AKIRIN2: variants seen among roughly 807,000 people sequenced by gnomAD.
The protein encoded by AKIRIN2 is akirin-2.
A neutral mutation model predicts 29.3 loss-of-function variants in AKIRIN2; 6 were observed. The observed-to-expected ratio is 0.20, with a 90% CI of 0.11 to 0.40. The LOEUF (loss-of-function observed/expected upper bound fraction) is 0.40, where lower values mean the gene tolerates loss of function less well. AKIRIN2 is among the 10% of genes least tolerant of loss of function. The pLI, the probability that AKIRIN2 is intolerant of heterozygous loss-of-function variation, is 1.00. For missense variants in AKIRIN2, 210 were observed against 276.1 expected (o/e 0.76, Z 1.70); for synonymous variants, 128 against 117.5 (o/e 1.09, Z -0.58).
Position 87,702,135 on chromosome 6 carries a change from C to A in AKIRIN2, c.-451G>T. 1 of 398,978 alleles carries A rather than the reference C, an allele frequency of 2.5e-6. No individual in the cohort carries two copies. Among genetic ancestry groups the A allele is most frequent in the African/African-American group, 2.1e-5 (1 of 48,780 alleles). The allele number at this position is 398,978 out of a possible 1,614,324, so 24.7% of individuals were successfully genotyped here. ...TAATACGCCCGAGTACGGTCAGTAG[C>A]TTGCGAGCGGCGATCGATGCAGAGA... On this transcript the variant is annotated 5_prime_UTR_variant, in exon 1 of 5. Transcript: ENST00000257787.
At chr6:87,696,614 T>C (rs563047001) in intron 1 of AKIRIN2, among the ~76,000 whole-genome samples, 4 of 143,706 alleles carry the variant, frequency 2.8e-5, no homozygotes, top group Non-Finnish European at 6.0e-5. Flanking sequence ...GGCAGGAGAA[T>C]GGCGTGAACC....
intron 3 of AKIRIN2, among the ~76,000 whole-genome samples, chr6:87,677,051 T>C (rs1439806129): frequency 6.6e-6 from 1 of 150,866 alleles, no homozygotes; most frequent in Non-Finnish European, 1.5e-5. Context: ...CACTCCAGCC[T>C]TGGGTGACAG....
chr6:87,676,596 A>ACACACACACACAC (rs1770998077), intron 3 of AKIRIN2, among the ~76,000 whole-genome samples: 1 of 142,046 alleles, frequency 7.0e-6, no homozygotes, highest in African/African-American at 2.7e-5. Context: ...CTCTACTAAA[A>ACACACACACACAC]ACACACACAC....
chr6:87,689,517 T>A (rs1771243451), intron 1 of AKIRIN2, among the ~76,000 whole-genome samples: 1 of 152,152 alleles, frequency 6.6e-6, no homozygotes, highest in Admixed American at 6.5e-5. Context: ...TTTGCAAAAC[T>A]GATGACTAAC....
Position 87,701,534 on chromosome 6 carries a change from A to G in AKIRIN2, c.151T>C (p.Phe51Leu), listed in dbSNP as rs1044593595. 4 of 1,433,178 alleles carry G rather than the reference A, an allele frequency of 2.8e-6. No individual in the cohort carries two copies. The highest frequency in any genetic ancestry group is 5.8e-5 in the East Asian group (2 of 34,712). 88.8% of individuals were successfully genotyped at this position (1,433,178 alleles called of 1,614,324 possible). A position where few individuals can be genotyped will look rare whatever the true frequency, so the allele number is the denominator to read the frequency against. Reference sequence around the variant, plus strand: ...TGCGGCGAGGCGGCCGCAGCGGAGAAGGAGGCGGCGGTGGCCGCGGCCGCC... The same window carrying G: ...TGCGGCGAGGCGGCCGCAGCGGAGAGGGAGGCGGCGGTGGCCGCGGCCGCC... ...LSAAAATAASFSAAAASPQKY... is the reference protein window; with the variant it reads ...LSAAAATAASLSAAAASPQKY... Residue 51 changes from phenylalanine to leucine, a missense_variant, in exon 1 of 5, where the codon TTC becomes CTC. By Grantham distance (22) the Phe-to-Leu change is conservative. Coordinates refer to ENST00000257787, the MANE Select transcript of AKIRIN2 (RefSeq NM_018064.4).
intron 1 of AKIRIN2, among the ~76,000 whole-genome samples, chr6:87,695,870 T>C (rs753972588): frequency 1.4e-5 from 2 of 147,920 alleles, no homozygotes; most frequent in Non-Finnish European, 3.0e-5. Context: ...TTTCTAGATC[T>C]ATCAAAACAC....
In AKIRIN2 at chr6:87,677,888, T is replaced by C. The variant is rs750255842; in HGVS notation, c.459A>G (p.Glu153=). The C allele has an allele frequency of 1.9e-6, 3 of 1,614,018 alleles. No homozygotes were observed. The highest frequency in any genetic ancestry group is 2.5e-6 in the Non-Finnish European group (3 of 1,180,006). Residue 153 remains glutamate (E), a synonymous_variant, in exon 3 of 5, where the codon GAA becomes GAG. Transcript: ENST00000257787. ...FTLRQVGMIC[E]RLLKEREEKV... The stretch of plus-strand genomic sequence containing the variant: ...TCTCTTCACGTTCTTTCAACAAACG[T>C]TCACAGATCATCCCAACCTGCCGTA...
chr6:87,693,813 GATA>G (rs1771317928), intron 1 of AKIRIN2, among the ~76,000 whole-genome samples: 1 of 151,848 alleles, frequency 6.6e-6, no homozygotes, highest in Non-Finnish European at 1.5e-5. Context: ...GCCAGGCTCT[GATA>G]ATGCACTATT....
At chr6:87,680,476 T>A (rs972581561) in intron 2 of AKIRIN2, among the ~76,000 whole-genome samples, 10 of 151,494 alleles carry the variant, frequency 6.6e-5, no homozygotes, top group African/African-American at 2.2e-4. Flanking sequence ...TTTCACTGTG[T>A]TAGCCAGGAT....
intron 2 of AKIRIN2, among the ~76,000 whole-genome samples, chr6:87,680,165 C>G (rs372875225): frequency 1.4e-4 from 22 of 152,280 alleles, no homozygotes; most frequent in East Asian, 1.3e-3. Flanking sequence ...AGTGCCCAAC[C>G]CTCACCTCTA....
chr6:87,684,387 A>G (rs13209066), intron 1 of AKIRIN2, among the ~76,000 whole-genome samples: 5 of 152,230 alleles, frequency 3.3e-5, no homozygotes, highest in Admixed American at 6.5e-5. Context: ...ATAATTTACA[A>G]ATGACAAAAT....
intron 1 of AKIRIN2, among the ~76,000 whole-genome samples, chr6:87,685,045 G>A (rs947218227): frequency 6.6e-6 from 1 of 152,168 alleles, no homozygotes; most frequent in African/African-American, 2.4e-5. Flanking sequence ...GATATTGTCA[G>A]CTAAAGAGCT....
intron 3 of AKIRIN2, 67 bp downstream of exon 3, chr6:87,677,751 A>G: frequency 2.6e-6 from 4 of 1,528,036 alleles, no homozygotes; most frequent in Non-Finnish European, 3.6e-6. Context: ...GTGAAATTAA[A>G]GTACACGTGG....
intron 1 of AKIRIN2, among the ~76,000 whole-genome samples, chr6:87,698,092 T>C (rs985926812): frequency 1.3e-5 from 2 of 152,208 alleles, no homozygotes; most frequent in African/African-American, 2.4e-5. Context: ...AAGCATACTT[T>C]GGTTTTCAAC....
Position 87,701,990 on chromosome 6 carries a change from C to G in AKIRIN2, c.-306G>C, listed in dbSNP as rs1316838368. On this transcript the variant is annotated 5_prime_UTR_variant, in exon 1 of 5. Coordinates refer to ENST00000257787, the MANE Select transcript of AKIRIN2 (RefSeq NM_018064.4). ...AGGCGCGGCTCCCCCGAGAGAGGCT[C>G]CGGCCGCCCCCGCCGTCCGCTCGAG... The G allele has an allele frequency of 5.0e-6, 2 of 402,486 alleles. No individual in the cohort carries two copies. Among genetic ancestry groups the G allele is most frequent in the African/African-American group, 2.1e-5 (1 of 48,640 alleles). The allele number at this position is 402,486 out of a possible 1,614,324, so 24.9% of individuals were successfully genotyped here.
Position 87,678,005 on chromosome 6 carries a change from G to A in AKIRIN2, c.380-38C>T, listed in dbSNP as rs529248957. The A allele has an allele frequency of 2.5e-6, 4 of 1,580,846 alleles. No homozygotes were observed. In the South Asian group the frequency reaches 3.5e-5, roughly 14 times the overall value. ...AGGACAAAAAATAGCACCTGGTTTA[G>A]AGCCATGATATAAAGCAGTTTCTAA... On this transcript the variant is annotated intron_variant, in intron 2 of 4. Coordinates refer to ENST00000257787, the MANE Select transcript of AKIRIN2 (RefSeq NM_018064.4).
chr6:87,696,452 A>G (rs1393719354), intron 1 of AKIRIN2, among the ~76,000 whole-genome samples: 1 of 152,118 alleles, frequency 6.6e-6, no homozygotes, highest in African/African-American at 2.4e-5. Context: ...CTGTAATCCC[A>G]GCACTTTGGG....
intron 2 of AKIRIN2, among the ~76,000 whole-genome samples, chr6:87,681,058 G>C (rs1018083218): frequency 6.6e-6 from 1 of 150,828 alleles, no homozygotes; most frequent in Non-Finnish European, 1.5e-5. Context: ...TTTTTTTTGA[G>C]ACAAAGTCTC....
chr6:87,689,284 C>T (rs1771239699), intron 1 of AKIRIN2, among the ~76,000 whole-genome samples: 1 of 152,144 alleles, frequency 6.6e-6, no homozygotes, highest in African/African-American at 2.4e-5. Context: ...GGTGGATCAC[C>T]TGAGGTCAAG....
Sources: gnomAD v4.1 joint callset for allele counts (sites outside exome capture counted in the v4.1 genomes callset) on GRCh38, gnomAD v4.1.1 for gene constraint, MANE v1.5 for transcripts, NCBI Gene and HGNC (gene_info 2026-07-23, HGNC 2026-07-21) for gene names.